The following LILRB3 variants were observed in gnomAD, a reference collection of about 807,000 sequenced individuals.
The protein encoded by LILRB3 is leukocyte immunoglobulin like receptor B3.
In LILRB3, 32 loss-of-function variants were observed where a neutral mutation model predicts 68.2. That is an observed-to-expected ratio of 0.47 (90% CI 0.35 to 0.63). LILRB3 has a LOEUF of 0.63. Ranked by LOEUF, LILRB3 falls within the 30% of genes least tolerant of loss-of-function variation. The pLI is 0.00. For missense variants in LILRB3, 502 were observed against 791.3 expected (o/e 0.63, Z 4.39); for synonymous variants, 185 against 323.1 (o/e 0.57, Z 4.58).
exon 6 of LILRB3, chr19:54,220,593 C>T (rs2147326599): frequency 6.8e-7 from 1 of 1,474,708 alleles, no homozygotes; most frequent in African/African-American, 1.6e-5. Flanking sequence ...GCTGCGTGAG[C>T]CGTAGCACCT....
At chr19:54,219,336 T>C (rs2077838490) in intron 7 of LILRB3, 91 bp from the exon 8 acceptor site, 2 of 1,486,650 alleles carry the variant, frequency 1.3e-6, no homozygotes, top group South Asian at 1.3e-5. Context: ...CTTCGTGACC[T>C]CCAACCCTCA....
chr19:54,218,277 C>G, intron 11 of LILRB3, 84 bp downstream of exon 11: 2 of 1,564,460 alleles, frequency 1.3e-6, no homozygotes, highest in South Asian at 1.1e-5. Flanking sequence ...TGCTGAGAGC[C>G]GGGGGAAGGA....
At chr19:54,216,553 G>A (rs1170842098) in exon 13 of LILRB3, 12 of 835,484 alleles carry the variant, frequency 1.4e-5, no homozygotes, top group African/African-American at 1.9e-5. Flanking sequence ...CTCATGATCC[G>A]CCCGCATCAG....
At chr19:54,219,152 C>T (rs746731531) in exon 8 of LILRB3, 23 of 1,605,318 alleles carry the variant, frequency 1.4e-5, no homozygotes, top group South Asian at 3.3e-5. Flanking sequence ...TTTGCTGTGA[C>T]GCTGACGGAG....
intron 11 of LILRB3, among the ~76,000 whole-genome samples, chr19:54,218,103 C>T (rs1263480126): frequency 6.6e-6 from 1 of 150,586 alleles, no homozygotes; most frequent in Non-Finnish European, 1.5e-5. Context: ...TCGTCATCCT[C>T]CTGAGGCCTG....
At chr19:54,219,626 T>A in intron 7 of LILRB3, 1 of 1,515,162 alleles carries the variant, frequency 6.6e-7, no homozygotes, top group South Asian at 1.3e-5. Flanking sequence ...CAGGCCCCTG[T>A]GGAATCGGGT....
chr19:54,216,807 C>A, exon 13 of LILRB3: 1 of 1,307,538 alleles, frequency 7.6e-7, no homozygotes, highest in Non-Finnish European at 9.9e-7. Flanking sequence ...ATCCTCCCCA[C>A]TCAGCCTCCT....
At chr19:54,217,219 G>A (rs1418423007) in exon 13 of LILRB3, 1 of 1,612,914 alleles carries the variant, frequency 6.2e-7, no homozygotes, top group Admixed American at 1.7e-5. Context: ...TCACATCCTG[G>A]GAGGCTTCAG....
chr19:54,216,588 G>T, exon 13 of LILRB3: 2 of 1,004,430 alleles, frequency 2.0e-6, no homozygotes, highest in Non-Finnish European at 2.4e-6. Context: ...GAGATTATAG[G>T]CGTGAGCCAC....
Position 54,218,632 on chromosome 19 carries a change from C to T in LILRB3, c.1540+13G>A, listed in dbSNP as rs564945207. The T allele has an allele frequency of 1.9e-6, 3 of 1,614,064 alleles. No individual in the cohort carries two copies. The African/African-American group carries it at 4.0e-5, about 22-fold the overall frequency. The stretch of plus-strand genomic sequence containing the variant: ...TCTCCAGCACCCCCATTTGTCCCCT[C>T]TCTTCCTCTTACAGAGGTTTTCTTC... On this transcript the variant is annotated intron_variant, in intron 10 of 12. Transcript: ENST00000445347.
In LILRB3 at chr19:54,220,743, C is replaced by T. The variant is rs1264869871; in HGVS notation, c.1043G>A (p.Arg348Gln). ...CAGAAGGAAAGTGTCAAAATACCCC[C>T]GTGACTGACACAGCAGGGTCATGTT... The change falls in exon 6 of 13, where the codon CGG (arginine) becomes CAG (glutamine). Residue 348 changes from arginine (R) to glutamine (Q), a missense_variant. Arg to Gln is a conservative substitution (Grantham distance 43). Around this residue, in one of 8 missense-constraint regions of LILRB3, gnomAD observed 77 missense variants for 152.8 expected, o/e 0.50. Coordinates refer to ENST00000445347, the Ensembl canonical transcript of LILRB3. 9.3e-5 allele frequency: 142 copies of T among 1,520,000 alleles called. 26 individuals are homozygous for T. The African/African-American group carries it at 1.3e-3, about 14-fold the overall frequency. 94.2% of individuals were successfully genotyped at this position (1,520,000 alleles called of 1,614,324 possible).
chr19:54,219,522 C>G (rs375765089), intron 7 of LILRB3: 8 of 1,550,352 alleles, frequency 5.2e-6, no homozygotes, highest in South Asian at 4.8e-5. Flanking sequence ...AGCCGAGACC[C>G]GGAGCTGCAG....
chr19:54,217,577 C>T (rs915148039), intron 11 of LILRB3, 103 bp from the exon 12 acceptor site: 1 of 1,416,856 alleles, frequency 7.1e-7, no homozygotes, highest in South Asian at 1.3e-5. Flanking sequence ...CATCCCTTTC[C>T]TGATGGAATC....
rs1370901262 is a variant in LILRB3, at chr19:54,218,854, CAG to C, written c.1427-18_1427-17del. 1.9e-5 allele frequency: 30 copies of C among 1,613,802 alleles called. No homozygotes were observed. Among genetic ancestry groups the C allele is most frequent in the African/African-American group, 2.7e-5 (2 of 74,890 alleles). ...TTTCTCTGGTCTGGGTGAAGATGGA[CAG>C]AGTCTCAGCCCTGGGAACATTAGAA... On this transcript the variant is annotated splice_polypyrimidine_tract_variant and intron_variant, in intron 8 of 12. Transcript: ENST00000445347.
At chr19:54,221,599 G>T in intron 4 of LILRB3, 2 of 1,502,508 alleles carry the variant, frequency 1.3e-6, no homozygotes, top group African/African-American at 1.4e-5. Flanking sequence ...TGAGAGCTGG[G>T]ACCTCACAGC....
chr19:54,222,642 T>C (rs2078311903), intron 2 of LILRB3, 80 bp from the exon 3 acceptor site: 4 of 1,611,794 alleles, frequency 2.5e-6, no homozygotes, highest in Non-Finnish European at 3.4e-6. Context: ...TTCCCCATCA[T>C]CCCCATCAGT....
At chr19:54,216,548 G>A in exon 13 of LILRB3, 2 of 802,884 alleles carry the variant, frequency 2.5e-6, no homozygotes, top group Non-Finnish European at 3.0e-6. Flanking sequence ...CTGACCTCAT[G>A]ATCCGCCCGC....
chr19:54,216,869 T>C (rs1360468807), exon 13 of LILRB3: 1 of 1,426,010 alleles, frequency 7.0e-7, no homozygotes, highest in Non-Finnish European at 9.2e-7. Context: ...TTTTTTGTTA[T>C]TAACTCATTG....
In LILRB3 at chr19:54,220,847, T is replaced by C. The variant is rs1192577315; in HGVS notation, c.956-17A>G. 8.3e-6 allele frequency: 12 copies of C among 1,445,096 alleles called. 1 individual carries two copies. Among genetic ancestry groups the C allele is most frequent in the South Asian group, 1.3e-5 (1 of 76,602 alleles). 89.5% of individuals were successfully genotyped at this position (1,445,096 alleles called of 1,614,324 possible). ...AGATCTGTCCTGGAGAGAAGAAGGA[T>C]GGGTGAGGGGCTGCCCCACCTTGCT... is the stretch of plus-strand genomic sequence containing the variant. On this transcript the variant is annotated splice_polypyrimidine_tract_variant and intron_variant, in intron 5 of 12. Transcript: ENST00000445347.
Sources: allele counts gnomAD v4.1 joint callset (sites outside exome capture counted in the v4.1 genomes callset), GRCh38; gene constraint gnomAD v4.1.1; regional missense constraint gnomAD v4.1.1; transcripts MANE v1.5; gene names NCBI Gene and HGNC (gene_info 2026-07-23, HGNC 2026-07-21).